BLOC1S5: variants seen among roughly 807,000 people sequenced by gnomAD.
BLOC1S5 encodes biogenesis of lysosomal organelles complex 1 subunit 5.
BLOC1S5 carries 27 observed loss-of-function variants against 24.3 expected under a neutral mutation model. That is an observed-to-expected ratio of 1.11 (90% CI 0.82 to 1.53). The LOEUF is 1.53. Ranked by LOEUF, BLOC1S5 falls within the 40% of genes most tolerant of loss-of-function variation. BLOC1S5 has a pLI of 0.00. For missense variants in BLOC1S5, 239 were observed against 229.4 expected, an observed-to-expected ratio of 1.04 and a Z score of -0.27; for synonymous variants, 84 against 74.5, an observed-to-expected ratio of 1.13 and a Z score of -0.66.
intron 3 of BLOC1S5, among the ~76,000 whole-genome samples, chr6:8,034,943 A>G (rs1293999682): frequency 6.6e-6 from 1 of 151,618 alleles, no homozygotes; most frequent in East Asian, 1.9e-4. Flanking sequence ...ATACATATAT[A>G]TACACATATG....
chr6:8,020,259 C>G (rs1043074052), intron 4 of BLOC1S5, among the ~76,000 whole-genome samples: 2 of 152,216 alleles, frequency 1.3e-5, no homozygotes, highest in African/African-American at 4.8e-5. Flanking sequence ...GGAGATGCCC[C>G]TCAATACTGC....
At chr6:8,038,585 C>T (rs1464822992) in intron 3 of BLOC1S5, among the ~76,000 whole-genome samples, 1 of 152,124 alleles carries the variant, frequency 6.6e-6, no homozygotes, top group Non-Finnish European at 1.5e-5. Flanking sequence ...CCCGGGTTCA[C>T]GCCATTCTCC....
At chr6:8,034,480 G>A (rs182175733) in intron 3 of BLOC1S5, among the ~76,000 whole-genome samples, 5 of 152,182 alleles carry the variant, frequency 3.3e-5, no homozygotes, top group African/African-American at 9.7e-5. Flanking sequence ...GCCTGTCGGC[G>A]GGTGGAGGGC....
intron 3 of BLOC1S5, chr6:8,027,107 C>T (rs985591148): frequency 9.6e-6 from 3 of 311,422 alleles, no homozygotes; most frequent in African/African-American, 6.6e-5. Flanking sequence ...ACTCTACCGC[C>T]TCTTTAATTA....
chr6:8,048,974 A>G (rs112471912), intron 2 of BLOC1S5, among the ~76,000 whole-genome samples: 6,573 of 147,898 alleles, frequency 0.044, 491 homozygotes, highest in African/African-American at 0.15. Context: ...AGATCACACC[A>G]CTTCACTCCA....
At chr6:8,045,794 A>G (rs532333974) in intron 2 of BLOC1S5, among the ~76,000 whole-genome samples, 131 of 152,312 alleles carry the variant, frequency 8.6e-4, no homozygotes, top group Non-Finnish European at 1.6e-3. Context: ...GAACGGCTGT[A>G]TTTACCCAAT....
chr6:8,036,096 C>T (rs1160538117), intron 3 of BLOC1S5, among the ~76,000 whole-genome samples: 1 of 152,092 alleles, frequency 6.6e-6, no homozygotes, highest in East Asian at 1.9e-4. Flanking sequence ...GGAAAATACA[C>T]ACACACAACA....
chr6:8,018,331 T>C (rs937016578), intron 4 of BLOC1S5, among the ~76,000 whole-genome samples: 1 of 152,226 alleles, frequency 6.6e-6, no homozygotes, highest in Admixed American at 6.5e-5. Context: ...AAAATGCAGA[T>C]AAACTTCATC....
At chr6:8,040,023 A>G (rs1171568077) in intron 3 of BLOC1S5, among the ~76,000 whole-genome samples, 1 of 152,198 alleles carries the variant, frequency 6.6e-6, no homozygotes, top group East Asian at 1.9e-4. Flanking sequence ...GTAGACTGAG[A>G]AGGAGGAGCC....
intron 3 of BLOC1S5, among the ~76,000 whole-genome samples, chr6:8,040,754 G>T (rs928738085): frequency 2.6e-5 from 4 of 152,016 alleles, no homozygotes; most frequent in Admixed American, 2.6e-4. Context: ...TACTCAGGAG[G>T]CTGAGGCACA....
intron 2 of BLOC1S5, among the ~76,000 whole-genome samples, chr6:8,060,392 C>T (rs1050088037): frequency 6.6e-6 from 1 of 152,094 alleles, no homozygotes; most frequent in Non-Finnish European, 1.5e-5. Context: ...TTAAGTAGAG[C>T]CAAGGAGCTG....
At chr6:8,054,567 T>C (rs568552236) in intron 2 of BLOC1S5, among the ~76,000 whole-genome samples, 9 of 152,358 alleles carry the variant, frequency 5.9e-5, no homozygotes, top group East Asian at 1.9e-4. Context: ...TGGCTGGATA[T>C]AAAGCCCCTG....
At chr6:8,025,101 A>C (rs1384556753) in intron 4 of BLOC1S5, among the ~76,000 whole-genome samples, 2 of 152,198 alleles carry the variant, frequency 1.3e-5, no homozygotes, top group Non-Finnish European at 2.9e-5. Context: ...CTTCCTAATA[A>C]ATTACACTTT....
intron 3 of BLOC1S5, among the ~76,000 whole-genome samples, chr6:8,040,523 GA>G (rs1433386337): frequency 6.6e-6 from 1 of 152,128 alleles, no homozygotes; most frequent in African/African-American, 2.4e-5. Context: ...TATAAACTTT[GA>G]AAAGTAGCAG....
At chr6:8,062,856 T>G (rs1757314127) in intron 1 of BLOC1S5, among the ~76,000 whole-genome samples, 1 of 152,182 alleles carries the variant, frequency 6.6e-6, no homozygotes, top group East Asian at 1.9e-4. Flanking sequence ...CATGCCTAGG[T>G]ATGTACCCTG....
At chr6:8,043,867 T>C (rs1297635799) in intron 2 of BLOC1S5, among the ~76,000 whole-genome samples, 3 of 152,102 alleles carry the variant, frequency 2.0e-5, no homozygotes, top group Non-Finnish European at 2.9e-5. Context: ...GGGGAGGTAA[T>C]TGAATCATGG....
In BLOC1S5 at chr6:8,030,570, G is replaced by C. The variant is rs149086400; in HGVS notation, c.326-4145C>G. 1.7e-3 allele frequency among the ~76,000 whole-genome samples: 261 copies of C among 151,730 alleles called. 1 individual carries two copies. The highest frequency in any genetic ancestry group is 6.1e-3 in the African/African-American group (251 of 41,424). On this transcript the variant is annotated intron_variant, in intron 3 of 4. Coordinates refer to ENST00000397457, the MANE Select transcript of BLOC1S5 (RefSeq NM_201280.3). The stretch of plus-strand genomic sequence containing the variant: ...ACAGTAGAATGAATCAAGCAGAGGA[G>C]AGTCAGTGAGCTCAAGAAAGGCCAG...
At chr6:8,056,060 CT>C (rs1219973703) in intron 2 of BLOC1S5, among the ~76,000 whole-genome samples, 2 of 152,182 alleles carry the variant, frequency 1.3e-5, no homozygotes, top group African/African-American at 4.8e-5. Context: ...TCTCTCTTAA[CT>C]TTTCTTACCT....
At chr6:8,055,509 A>T (rs1326146140) in intron 2 of BLOC1S5, among the ~76,000 whole-genome samples, 2 of 152,086 alleles carry the variant, frequency 1.3e-5, no homozygotes, top group Non-Finnish European at 2.9e-5. Flanking sequence ...TTCCTCGAGG[A>T]ATATTATTCT....
Sources: gnomAD v4.1 joint callset for allele counts (sites outside exome capture counted in the v4.1 genomes callset) on GRCh38, gnomAD v4.1.1 for gene constraint, MANE v1.5 for transcripts, NCBI Gene and HGNC (gene_info 2026-07-23, HGNC 2026-07-21) for gene names.